Variants in PCLO observed in about 807,000 individuals in gnomAD.
PCLO encodes the protein piccolo presynaptic cytomatrix protein, also known as protein piccolo.
A neutral mutation model predicts 427.5 loss-of-function variants in PCLO; 82 were observed. The ratio of observed to expected loss-of-function variants is 0.19; its 90% CI spans 0.16 to 0.23. The LOEUF is 0.23. PCLO is among the 10% of genes least tolerant of loss of function. PCLO has a pLI of 1.00. For synonymous variants in PCLO, 2,357 were observed against 2,155.4 expected (o/e 1.09, Z -2.59); for missense variants, 6,239 against 6,115.9 (o/e 1.02, Z -0.67).
intron 3 of PCLO, among the ~76,000 whole-genome samples, chr7:83,088,947 C>T (rs1171851026): frequency 6.6e-6 from 1 of 152,156 alleles, no homozygotes; most frequent in Non-Finnish European, 1.5e-5. Flanking sequence ...TTCAATAACA[C>T]TCCAATTCCT....
intron 1 of PCLO, among the ~76,000 whole-genome samples, chr7:83,159,292 G>A (rs927366074): frequency 1.3e-5 from 2 of 151,984 alleles, no homozygotes; most frequent in African/African-American, 4.8e-5. Context: ...GCACCTTTAG[G>A]AAGAAGCCCA....
chr7:83,115,540 C>T (rs559553118), intron 3 of PCLO, among the ~76,000 whole-genome samples: 25 of 152,112 alleles, frequency 1.6e-4, no homozygotes, highest in South Asian at 6.2e-4. Flanking sequence ...ATGCTTTAAA[C>T]GAACATCTCT....
At position 82,899,025 on chromosome 7, in the gene PCLO, A is replaced by G. The variant is rs1266519324; in HGVS notation, c.13528+3626T>C. 2.0e-5 allele frequency among the ~76,000 whole-genome samples: 3 copies of G among 151,376 alleles called. No homozygotes were observed. In the East Asian group the frequency reaches 5.8e-4, roughly 29 times the overall value. On this transcript the variant is annotated intron_variant, in intron 9 of 24. Transcript: ENST00000333891. Reference sequence around the variant, plus strand: ...ATATATTGTATTATAGAACAATGCTAAGACAGTTGTTATAATAACTCTAGC... The same window carrying G: ...ATATATTGTATTATAGAACAATGCTGAGACAGTTGTTATAATAACTCTAGC...
intron 3 of PCLO, among the ~76,000 whole-genome samples, chr7:82,993,535 A>T (rs569030836): frequency 2.6e-4 from 40 of 152,180 alleles, no homozygotes; most frequent in African/African-American, 8.9e-4. Flanking sequence ...GGTAGGAAAA[A>T]TAGTGGAAAT....
intron 3 of PCLO, among the ~76,000 whole-genome samples, chr7:83,032,128 T>G (rs1472340542): frequency 1.3e-5 from 2 of 152,164 alleles, no homozygotes; most frequent in Non-Finnish European, 2.9e-5. Flanking sequence ...TCTCAGCCCA[T>G]GTCCCTGGTA....
intron 3 of PCLO, among the ~76,000 whole-genome samples, chr7:82,995,569 T>C (rs1256006829): frequency 6.6e-6 from 1 of 152,076 alleles, no homozygotes; most frequent in Admixed American, 6.6e-5. Context: ...GGTGGAAATA[T>C]TGCAACTACT....
In PCLO at chr7:82,950,573, C is replaced by G. The variant is rs756504811; in HGVS notation, c.10015G>C (p.Gly3339Arg). The part of the protein sequence containing the change: ...QTTTEQAILE[G>R]QYAALEGSQF... ...CTGCCTTCCAGAGCAGCATACTGACCTTCCAAAATTGCCTGCTCTGTAGTG... is the reference window on the plus strand; with the variant it reads ...CTGCCTTCCAGAGCAGCATACTGACGTTCCAAAATTGCCTGCTCTGTAGTG... The change falls in exon 6 of 25, where the codon GGT becomes CGT. Residue 3339 changes from glycine (G) to arginine (R), a missense_variant. Gly to Arg is a moderately radical substitution (Grantham distance 125). Transcript: ENST00000333891. The G allele has an allele frequency of 6.2e-7, 1 of 1,613,836 alleles. No individual in the cohort carries two copies. The highest frequency in any genetic ancestry group is 1.7e-5 in the Admixed American group (1 of 60,004).
At chr7:82,946,192 A>G (rs1401565292) in intron 6 of PCLO, among the ~76,000 whole-genome samples, 9 of 152,230 alleles carry the variant, frequency 5.9e-5, no homozygotes, top group Admixed American at 4.6e-4. Flanking sequence ...TCATTGTCCA[A>G]GTACAGCAAT....
chr7:83,096,849 A>ATATATAAAAATATATTATATAATATAT lies in PCLO; in HGVS notation c.3300+37400_3300+37401insATATATTATATAATATATTTTTATATA, dbSNP rs1790562388. The stretch of plus-strand genomic sequence containing the variant: ...TATAAAAATATATTATATAATATAA[A>ATATATAAAAATATATTATATAATATAT]TATATATAAAAATATATTATATAAT... On this transcript the variant is annotated intron_variant, in intron 3 of 24. Transcript: ENST00000333891. 3.3e-3 allele frequency among the ~76,000 whole-genome samples: 168 copies of ATATATAAAAATATATTATATAATATAT among 51,422 alleles called. 1 individual carries two copies. The highest frequency in any genetic ancestry group is 0.011 in the African/African-American group (105 of 9,820). 33.7% of individuals were successfully genotyped at this position (51,422 alleles called of 152,430 possible).
intron 3 of PCLO, among the ~76,000 whole-genome samples, chr7:83,029,973 A>AG (rs1425083638): frequency 1.2e-5 from 1 of 82,678 alleles, no homozygotes; most frequent in Admixed American, 1.6e-4. Context: ...GGGTGGGGGG[A>AG]GGGGGGAGGG....
At chr7:82,918,173 A>G (rs900345650) in intron 6 of PCLO, among the ~76,000 whole-genome samples, 1 of 151,986 alleles carries the variant, frequency 6.6e-6, no homozygotes, top group Admixed American at 6.6e-5. Flanking sequence ...GTTTTTCCTC[A>G]TAGAGCAATC....
rs1156421888 is a variant in PCLO, at chr7:82,805,434, T to C, written c.14933+254A>G. Among the ~76,000 whole-genome samples the C allele has an allele frequency of 2.0e-5, 3 of 152,206 alleles. No homozygotes were observed. The East Asian group carries it at 5.8e-4, about 29-fold the overall frequency. Reference sequence around the variant, plus strand: ...CTTTATTCTGGCATGGCTAAGTGATTAGCAGTTTTAACATCAAATACAGAT... The same window carrying C: ...CTTTATTCTGGCATGGCTAAGTGATCAGCAGTTTTAACATCAAATACAGAT... On this transcript the variant is annotated intron_variant, in intron 21 of 24. Transcript: ENST00000333891.
At chr7:82,762,205 G>A (rs1306818824) in intron 22 of PCLO, among the ~76,000 whole-genome samples, 1 of 152,050 alleles carries the variant, frequency 6.6e-6, no homozygotes, top group Non-Finnish European at 1.5e-5. Context: ...AAGTATAGAA[G>A]TATGGTTTCA....
At chr7:82,853,424 GA>G (rs1188045257) in intron 10 of PCLO, among the ~76,000 whole-genome samples, 1 of 151,968 alleles carries the variant, frequency 6.6e-6, no homozygotes, top group Non-Finnish European at 1.5e-5. Context: ...AAGGGCATAA[GA>G]ACAATTGCTA....
chr7:83,134,840 G>T lies in PCLO; in HGVS notation c.2710C>A (p.Arg904Ser). Residue 904 changes from arginine to serine, a missense_variant, in exon 3 of 25, where the codon CGT (arginine) becomes AGT (serine). By Grantham distance (110) the Arg-to-Ser change is moderately radical (BLOSUM62 -1). Transcript: ENST00000333891. Reference protein sequence around the residue: ...QSPKPQEQSRRFSLNLGSITD... With the variant: ...QSPKPQEQSRSFSLNLGSITD... Reference sequence around the variant, plus strand: ...ATACTTCCCAGATTCAGACTGAAACGCCTTGACTGCTCCTGAGGCTTTGGG... The same window carrying T: ...ATACTTCCCAGATTCAGACTGAAACTCCTTGACTGCTCCTGAGGCTTTGGG... 1 of 1,612,096 alleles carries T rather than the reference G, an allele frequency of 6.2e-7. No homozygotes were observed. Among genetic ancestry groups the T allele is most frequent in the South Asian group, 1.1e-5 (1 of 90,870 alleles).
chr7:82,850,234 C>CCTGACCTCAAGTGATCCA (rs1792615335), intron 10 of PCLO, among the ~76,000 whole-genome samples: 1 of 152,092 alleles, frequency 6.6e-6, no homozygotes, highest in South Asian at 2.1e-4. Context: ...GTCTTGAACT[C>CCTGACCTCAAGTGATCCA]CTGACCTCAA....
At chr7:82,765,047 T>C (rs901531389) in intron 22 of PCLO, among the ~76,000 whole-genome samples, 1 of 151,912 alleles carries the variant, frequency 6.6e-6, no homozygotes, top group Admixed American at 6.6e-5. Flanking sequence ...ATTAGTGGGT[T>C]CTATAAAATG....
intron 6 of PCLO, among the ~76,000 whole-genome samples, chr7:82,948,912 C>A (rs568435515): frequency 6.6e-6 from 1 of 152,236 alleles, no homozygotes; most frequent in South Asian, 2.1e-4. Context: ...TATCTGCCTG[C>A]CTCAGAAATG....
intron 22 of PCLO, 131 bp downstream of exon 22, chr7:82,801,387 A>C: frequency 7.5e-6 from 4 of 531,272 alleles, no homozygotes; most frequent in Non-Finnish European, 1.4e-5. Flanking sequence ...ATAGATAATG[A>C]TATCTTACTA....
Sources: gnomAD v4.1 joint callset for allele counts (sites outside exome capture counted in the v4.1 genomes callset) on GRCh38, gnomAD v4.1.1 for gene constraint, MANE v1.5 for transcripts, NCBI Gene and HGNC (gene_info 2026-07-23, HGNC 2026-07-21) for gene names.